The following DENND5B variants were observed in gnomAD, a reference collection of about 807,000 sequenced individuals.
The protein encoded by DENND5B is DENN domain containing 5B.
Under a neutral mutation model 140.6 loss-of-function variants are expected in DENND5B, and 34 were observed. The ratio of observed to expected loss-of-function variants is 0.24; its 90% CI spans 0.18 to 0.32. DENND5B has a LOEUF of 0.32. DENND5B is among the 10% of genes least tolerant of loss of function. The probability of loss-of-function intolerance (pLI) is 1.00; values close to 1 mark genes in which losing one functional copy is unlikely to be tolerated. For missense variants in DENND5B, 1,142 were observed against 1,560.2 expected, an observed-to-expected ratio of 0.73 and a Z score of 4.52; for synonymous variants, 551 against 562.1, an observed-to-expected ratio of 0.98 and a Z score of 0.28.
intron 1 of DENND5B, among the ~76,000 whole-genome samples, chr12:31,586,651 TAGTC>T (rs1950402439): frequency 6.6e-6 from 1 of 152,216 alleles, no homozygotes. Context: ...TATAAGGTCT[TAGTC>T]TATTTAACTG....
chr12:31,433,860 T>A (rs1593154560), intron 7 of DENND5B, among the ~76,000 whole-genome samples: 2 of 151,888 alleles, frequency 1.3e-5, no homozygotes, highest in South Asian at 4.1e-4. Flanking sequence ...CTACAAAAAA[T>A]TTAAAAAATT....
At chr12:31,408,298 C>G (rs979344678) in intron 14 of DENND5B, among the ~76,000 whole-genome samples, 1 of 149,202 alleles carries the variant, frequency 6.7e-6, no homozygotes, top group Non-Finnish European at 1.5e-5. Flanking sequence ...GACACCATCT[C>G]AAAAAAACCA....
At chr12:31,468,131 G>A (rs1256398461) in intron 3 of DENND5B, among the ~76,000 whole-genome samples, 6 of 152,142 alleles carry the variant, frequency 3.9e-5, no homozygotes, top group African/African-American at 1.4e-4. Flanking sequence ...GCATGCACCT[G>A]TAGTCCCAGC....
chr12:31,468,080 C>T (rs191058504), intron 3 of DENND5B, among the ~76,000 whole-genome samples: 1 of 151,848 alleles, frequency 6.6e-6, no homozygotes, highest in Admixed American at 6.6e-5. Context: ...ATACAGAGAC[C>T]CCACCTCTAA....
At chr12:31,523,298 A>G (rs1947968919) in intron 1 of DENND5B, among the ~76,000 whole-genome samples, 2 of 152,028 alleles carry the variant, frequency 1.3e-5, no homozygotes, top group Admixed American at 1.3e-4. Context: ...CCTGGCCTCA[A>G]GTGATCCGCC....
chr12:31,520,727 A>T (rs1203492569), intron 1 of DENND5B, among the ~76,000 whole-genome samples: 1 of 152,056 alleles, frequency 6.6e-6, no homozygotes, highest in Non-Finnish European at 1.5e-5. Context: ...TTTTTAATAG[A>T]GACAGGGTTT....
Position 31,460,245 on chromosome 12 carries a change from G to A in DENND5B, c.1041C>T (p.Gly347=), listed in dbSNP as rs192278270. 54 of 1,613,854 alleles carry A rather than the reference G, an allele frequency of 3.3e-5. 1 individual carries two copies. The highest frequency in any genetic ancestry group is 3.3e-4 in the Middle Eastern group (2 of 6,062). ...FLDAPVPYLM[G]LQSKEGTDRS... is the part of the protein sequence containing the mutation. ...GGTCAGTTCCTTCTTTTGACTGAAGGCCCATCAGATAAGGGACAGGAGCAT... is the reference window on the plus strand; with the variant it reads ...GGTCAGTTCCTTCTTTTGACTGAAGACCCATCAGATAAGGGACAGGAGCAT... The change falls in exon 4 of 21, where the codon GGC becomes GGT. Residue 347 remains glycine (G), a synonymous_variant. Coordinates refer to ENST00000389082, the MANE Select transcript of DENND5B (RefSeq NM_144973.4).
At chr12:31,562,008 T>C (rs1949492122) in intron 1 of DENND5B, among the ~76,000 whole-genome samples, 1 of 152,210 alleles carries the variant, frequency 6.6e-6, no homozygotes, top group Non-Finnish European at 1.5e-5. Flanking sequence ...ACAGGTTACA[T>C]TAATTGGGTA....
intron 1 of DENND5B, among the ~76,000 whole-genome samples, chr12:31,539,933 A>C (rs1948631083): frequency 6.6e-6 from 1 of 152,192 alleles, no homozygotes. Flanking sequence ...GGAAGGAGTC[A>C]AGTTATCCTT....
At chr12:31,515,230 A>C (rs570296053) in intron 1 of DENND5B, among the ~76,000 whole-genome samples, 1 of 152,212 alleles carries the variant, frequency 6.6e-6, no homozygotes, top group Non-Finnish European at 1.5e-5. Flanking sequence ...ACATGAGCCC[A>C]TAAGTTCAAG....
chr12:31,419,938 A>C (rs1031101702), intron 11 of DENND5B: 89 of 868,452 alleles, frequency 1.0e-4, no homozygotes, highest in Non-Finnish European at 1.2e-4. Context: ...GCGCCATTGC[A>C]CTCTAGCCTG....
chr12:31,489,330 T>C (rs900687182), intron 2 of DENND5B, among the ~76,000 whole-genome samples: 1 of 144,132 alleles, frequency 6.9e-6, no homozygotes, highest in African/African-American at 2.5e-5. Context: ...TTTTGTCCCA[T>C]GTTTTGCATT....
At chr12:31,481,501 A>G (rs771696980) in intron 2 of DENND5B, among the ~76,000 whole-genome samples, 1 of 152,228 alleles carries the variant, frequency 6.6e-6, no homozygotes, top group African/African-American at 2.4e-5. Context: ...AATAGTAGGA[A>G]GACACACATT....
chr12:31,585,543 T>C (rs1214469577), intron 1 of DENND5B, among the ~76,000 whole-genome samples: 1 of 152,196 alleles, frequency 6.6e-6, no homozygotes, highest in Non-Finnish European at 1.5e-5. Flanking sequence ...TGAGTTTAAA[T>C]AGAATAACTA....
chr12:31,400,944 G>T (rs531373919), intron 15 of DENND5B, among the ~76,000 whole-genome samples: 4 of 150,842 alleles, frequency 2.7e-5, no homozygotes, highest in African/African-American at 9.7e-5. Context: ...CCGGATTCAA[G>T]CGATTCTCCT....
At chr12:31,428,947 G>C (rs1349318509) in intron 8 of DENND5B, among the ~76,000 whole-genome samples, 1 of 152,062 alleles carries the variant, frequency 6.6e-6, no homozygotes, top group African/African-American at 2.4e-5. Flanking sequence ...TAGCCAGGAT[G>C]GTCTCAATCT....
At chr12:31,443,890 C>G (rs1286290574) in intron 6 of DENND5B, 1 of 152,018 alleles carries the variant, frequency 6.6e-6, no homozygotes, top group Non-Finnish European at 1.5e-5. Context: ...AAGAAACTGG[C>G]CTTTTGAAGA....
chr12:31,586,162 G>A (rs939952954), intron 1 of DENND5B, among the ~76,000 whole-genome samples: 8 of 152,076 alleles, frequency 5.3e-5, no homozygotes, highest in Non-Finnish European at 7.4e-5. Context: ...AGGTCTTAAA[G>A]GAAATAAAAG....
intron 11 of DENND5B, among the ~76,000 whole-genome samples, chr12:31,417,008 T>C (rs1864912): frequency 0.92 from 122,029 of 132,166 alleles, 56,900 homozygotes; most frequent in East Asian, 0.99. Context: ...GGGAGGATCA[T>C]CTGAGCCCAC....
Sources: allele counts gnomAD v4.1 joint callset (sites outside exome capture counted in the v4.1 genomes callset), GRCh38; gene constraint gnomAD v4.1.1; transcripts MANE v1.5; gene names NCBI Gene and HGNC (gene_info 2026-07-23, HGNC 2026-07-21).